Variants in ZNF331 observed in about 807,000 individuals in gnomAD.
ZNF331 encodes the protein zinc finger protein 331.
Under a neutral mutation model 7.0 loss-of-function variants are expected in ZNF331, and 2 were observed. The observed-to-expected ratio is 0.29, with a 90% CI of 0.12 to 0.90. The LOEUF is 0.90. Among genes scored for constraint, ZNF331 ranks in the 40% least tolerant of loss-of-function variants. The pLI is 0.58. For synonymous variants in ZNF331, 196 were observed against 205.4 expected, an observed-to-expected ratio of 0.95 and a Z score of 0.39; for missense variants, 432 against 587.7, an observed-to-expected ratio of 0.74 and a Z score of 2.74.
chr19:53,519,865 G>A (rs138304432), upstream of ZNF331, among the ~76,000 whole-genome samples: 23 of 152,174 alleles, frequency 1.5e-4, no homozygotes, highest in Non-Finnish European at 2.5e-4. Flanking sequence ...GTGCTGAAAC[G>A]TCCCCAAAAT....
At chr19:53,529,349 G>A (rs1302552376) in intron 2 of ZNF331, among the ~76,000 whole-genome samples, 3 of 151,134 alleles carry the variant, frequency 2.0e-5, no homozygotes, top group African/African-American at 4.9e-5. Flanking sequence ...GCAGTGAGCC[G>A]AGATCATGCC....
chr19:53,511,821 G>A, the ZNF331 span: 1 of 152,172 alleles, frequency 6.6e-6, no homozygotes, highest in African/African-American at 2.4e-5. Context: ...TGATTCTACA[G>A]AAATGCATGA....
chr19:53,517,850 G>C (rs531782890), upstream of ZNF331, among the ~76,000 whole-genome samples: 2 of 152,164 alleles, frequency 1.3e-5, no homozygotes, highest in South Asian at 4.2e-4. Flanking sequence ...AGATAACCAG[G>C]TCCACACACG....
chr19:53,504,078 T>C, the ZNF331 span: 3 of 396,024 alleles, frequency 7.6e-6, no homozygotes, highest in Non-Finnish European at 9.6e-6. Flanking sequence ...AGTCCGGAGC[T>C]ACCAAAACCA....
Position 53,578,304 on chromosome 19 carries a change from G to A in ZNF331, c.*352G>A. 1 of 265,086 alleles carries A rather than the reference G, an allele frequency of 3.8e-6. No homozygotes were observed. Among genetic ancestry groups the A allele is most frequent in the East Asian group, 5.3e-5 (1 of 18,840 alleles). 16.4% of individuals were successfully genotyped at this position (265,086 alleles called of 1,614,324 possible). ...TTAACAGTGGCCCCAGAGAGCAGGA[G>A]TAGTGATGCTGGTGATTCGGATATG... On this transcript the variant is annotated 3_prime_UTR_variant, in exon 6 of 6. Coordinates refer to ENST00000449416, the MANE Select transcript of ZNF331 (RefSeq NM_001079906.2).
upstream of ZNF331, among the ~76,000 whole-genome samples, chr19:53,520,619 G>A (rs1179110498): frequency 1.3e-5 from 2 of 152,234 alleles, no homozygotes; most frequent in Non-Finnish European, 2.9e-5. Context: ...AGACACCGAC[G>A]AAAAGCATTC....
chr19:53,542,472 G>T (rs1017593663), intron 2 of ZNF331, among the ~76,000 whole-genome samples: 2 of 152,130 alleles, frequency 1.3e-5, no homozygotes, highest in African/African-American at 4.8e-5. Flanking sequence ...ACAAATATGG[G>T]CTGTATAAGT....
chr19:53,561,328 G>C, intron 3 of ZNF331, among the ~76,000 whole-genome samples: 1 of 101,770 alleles, frequency 9.8e-6, no homozygotes, highest in African/African-American at 4.1e-5. Flanking sequence ...ATGCAGGCCT[G>C]CTGGCCAAAA....
At chr19:53,506,223 T>A in the ZNF331 span, among the ~76,000 whole-genome samples, 1 of 128,514 alleles carries the variant, frequency 7.8e-6, no homozygotes, top group African/African-American at 3.2e-5. Flanking sequence ...TAATCCCAGC[T>A]ACTCGGGAGG....
chr19:53,557,061 C>T (rs558970323), intron 3 of ZNF331, among the ~76,000 whole-genome samples: 1 of 145,280 alleles, frequency 6.9e-6, no homozygotes, highest in South Asian at 2.3e-4. Flanking sequence ...CTCAAGCAAT[C>T]TGCTGCCTGC....
chr19:53,538,128 G>A (rs977892521), upstream of ZNF331: 1 of 152,298 alleles, frequency 6.6e-6, no homozygotes, highest in Non-Finnish European at 1.5e-5. Flanking sequence ...AGGGGGTGGC[G>A]GGACCGAGTG....
At chr19:53,547,224 A>G (rs1466944609) in intron 2 of ZNF331, among the ~76,000 whole-genome samples, 9 of 152,034 alleles carry the variant, frequency 5.9e-5, no homozygotes, top group African/African-American at 2.2e-4. Flanking sequence ...CCAGGCCCTG[A>G]CGACCACCTC....
At chr19:53,546,487 A>G (rs1363781235) in intron 2 of ZNF331, among the ~76,000 whole-genome samples, 1 of 151,416 alleles carries the variant, frequency 6.6e-6, no homozygotes, top group African/African-American at 2.4e-5. Context: ...AATTGTTGAC[A>G]TCCTGCTGTG....
In ZNF331 at chr19:53,526,788, G is replaced by A. The variant is rs959244808; in HGVS notation, c.-205+4104G>A. ...AGGATGGTCTCGATCTCCTGACCTC[G>A]TGATCCGCCCACCTCGGCCTCCCAA... On this transcript the variant is annotated intron_variant, in intron 2 of 6. Coordinates refer to the ZNF331 transcript ENST00000253144. 7.9e-5 allele frequency among the ~76,000 whole-genome samples: 12 copies of A among 151,072 alleles called. No individual in the cohort carries two copies. The East Asian group carries it at 2.2e-3, about 28-fold the overall frequency.
At chr19:53,507,670 T>G in the ZNF331 span, among the ~76,000 whole-genome samples, 1 of 152,160 alleles carries the variant, frequency 6.6e-6, no homozygotes, top group Non-Finnish European at 1.5e-5. Context: ...GCCAGCCACG[T>G]GGAACCTGCA....
intron 2 of ZNF331, among the ~76,000 whole-genome samples, chr19:53,545,090 GTAT>G (rs2088504219): frequency 1.3e-5 from 2 of 152,226 alleles, no homozygotes; most frequent in African/African-American, 4.8e-5. Context: ...GGATCTCTCT[GTAT>G]TATTATTTAC....
rs2087969021 is a variant in ZNF331 at position 53,539,328 on chromosome 19, A to T, written c.-138+46A>T. The T allele has an allele frequency of 6.6e-6, 1 of 152,064 alleles. No individual in the cohort carries two copies. Among genetic ancestry groups the T allele is most frequent in the Non-Finnish European group, 1.5e-5 (1 of 68,018 alleles). The allele number at this position is 152,064 out of a possible 1,614,324, so 9.4% of individuals were successfully genotyped here. A position where few individuals can be genotyped will look rare whatever the true frequency, so the allele number is the denominator to read the frequency against. The stretch of plus-strand genomic sequence containing the variant: ...ATATTAAATGATATGTGTTTATAAG[A>T]CTTAAGACCAAACATTAAAGGTAGA... On this transcript the variant is annotated intron_variant, in intron 2 of 5. Coordinates refer to ENST00000449416, the MANE Select transcript of ZNF331 (RefSeq NM_001079906.2). The surrounding 1 kb of genome is among the most constrained non-coding windows in gnomAD (Gnocchi z 6.1).
At chr19:53,525,787 T>C (rs1023575594) in intron 2 of ZNF331, among the ~76,000 whole-genome samples, 4 of 152,238 alleles carry the variant, frequency 2.6e-5, no homozygotes, top group African/African-American at 9.6e-5. Context: ...GCTTTTCTTT[T>C]TGTTGCCTAA....
At chr19:53,506,144 C>G in the ZNF331 span, among the ~76,000 whole-genome samples, 1 of 150,350 alleles carries the variant, frequency 6.7e-6, no homozygotes, top group South Asian at 2.1e-4. Flanking sequence ...GACCATCCTG[C>G]CCAACATGGG....
Sources: gnomAD v4.1 joint callset for allele counts (sites outside exome capture counted in the v4.1 genomes callset) on GRCh38, gnomAD v4.1.1 for gene constraint, Gnocchi (gnomAD v3.1) non-coding constraint, MANE v1.5 for transcripts, NCBI Gene and HGNC (gene_info 2026-07-23, HGNC 2026-07-21) for gene names.